GRM8: variants seen among roughly 807,000 people sequenced by gnomAD.
GRM8 encodes the protein metabotropic glutamate receptor 8.
A neutral mutation model predicts 87.2 loss-of-function variants in GRM8; 47 were observed. The observed-to-expected ratio is 0.54, with a 90% CI of 0.43 to 0.69. GRM8 has a LOEUF of 0.69. GRM8 is among the 30% of genes least tolerant of loss of function. The pLI, the probability that GRM8 is intolerant of heterozygous loss-of-function variation, is 0.00. For missense variants in GRM8, 1,019 were observed against 1,139.2 expected, an observed-to-expected ratio of 0.89 and a Z score of 1.52; for synonymous variants, 396 against 404.5, an observed-to-expected ratio of 0.98 and a Z score of 0.25.
At chr7:127,193,959 A>G (rs1432568695) in intron 2 of GRM8, among the ~76,000 whole-genome samples, 1 of 152,214 alleles carries the variant, frequency 6.6e-6, no homozygotes, top group East Asian at 1.9e-4. Context: ...TTGAAGCATG[A>G]GCAAGACACA....
chr7:127,085,248 T>C (rs1267000897), intron 3 of GRM8, among the ~76,000 whole-genome samples: 1 of 152,208 alleles, frequency 6.6e-6, no homozygotes, highest in African/African-American at 2.4e-5. Flanking sequence ...GTCTTCGCTA[T>C]TGGGAATAGT....
intron 7 of GRM8, among the ~76,000 whole-genome samples, chr7:126,691,167 C>T (rs1410780167): frequency 3.9e-5 from 6 of 152,194 alleles, no homozygotes; most frequent in Non-Finnish European, 8.8e-5. Context: ...TGCCCTTAGC[C>T]CCTTCTTGGC....
intron 3 of GRM8, among the ~76,000 whole-genome samples, chr7:126,956,418 G>T (rs898424964): frequency 1.3e-5 from 2 of 152,180 alleles, no homozygotes; most frequent in African/African-American, 4.8e-5. Flanking sequence ...ACAGCATTAT[G>T]AATAAGAATA....
intron 6 of GRM8, among the ~76,000 whole-genome samples, chr7:126,867,958 T>C (rs564233300): frequency 6.6e-6 from 1 of 152,314 alleles, no homozygotes; most frequent in South Asian, 2.1e-4. Flanking sequence ...ATACTTTCTA[T>C]CATAAAATGT....
intron 3 of GRM8, among the ~76,000 whole-genome samples, chr7:126,971,253 C>T (rs1164777517): frequency 1.4e-5 from 2 of 146,000 alleles, no homozygotes; most frequent in East Asian, 4.1e-4. Flanking sequence ...ACATCATAAA[C>T]ACACAATTTT....
At chr7:127,027,798 C>G (rs1337235662) in intron 3 of GRM8, among the ~76,000 whole-genome samples, 1 of 152,166 alleles carries the variant, frequency 6.6e-6, no homozygotes, top group African/African-American at 2.4e-5. Flanking sequence ...TTGACTTCCT[C>G]TTTTCCTAAT....
At chr7:126,826,184 T>C (rs1794774557) in intron 6 of GRM8, among the ~76,000 whole-genome samples, 1 of 152,112 alleles carries the variant, frequency 6.6e-6, no homozygotes, top group South Asian at 2.1e-4. Context: ...TAAACATACG[T>C]GTGCATGTGT....
chr7:126,817,424 C>G (rs548472994), intron 6 of GRM8, among the ~76,000 whole-genome samples: 1 of 152,088 alleles, frequency 6.6e-6, no homozygotes, highest in African/African-American at 2.4e-5. Flanking sequence ...CATGGGGCTT[C>G]ACTTAATCAA....
At chr7:127,072,105 C>A (rs905854622) in intron 3 of GRM8, among the ~76,000 whole-genome samples, 2 of 152,082 alleles carry the variant, frequency 1.3e-5, no homozygotes, top group Non-Finnish European at 2.9e-5. Context: ...GCATAGACAA[C>A]TAGCTTCCAC....
intron 2 of GRM8, among the ~76,000 whole-genome samples, chr7:127,126,499 A>G (rs1827379757): frequency 6.6e-6 from 1 of 152,066 alleles, no homozygotes; most frequent in South Asian, 2.1e-4. Context: ...GGGGTGGGTG[A>G]TGAAAAATTA....
At chr7:126,913,443 A>G (rs1803527297) in intron 3 of GRM8, among the ~76,000 whole-genome samples, 2 of 152,258 alleles carry the variant, frequency 1.3e-5, no homozygotes, top group Admixed American at 6.5e-5. Flanking sequence ...CAGTTTGACC[A>G]TAAGAAATTT....
At chr7:126,785,293 GT>G (rs1234217949) in intron 6 of GRM8, among the ~76,000 whole-genome samples, 1 of 152,072 alleles carries the variant, frequency 6.6e-6, no homozygotes, top group Non-Finnish European at 1.5e-5. Flanking sequence ...CCCTCTTTCG[GT>G]CAAGCTCTTT....
chr7:127,192,033 C>T (rs1371496368), intron 2 of GRM8, among the ~76,000 whole-genome samples: 1 of 152,040 alleles, frequency 6.6e-6, no homozygotes, highest in Non-Finnish European at 1.5e-5. Flanking sequence ...TGATGAAACA[C>T]GTTTCTCCCC....
chr7:126,757,606 A>G (rs1817153861), intron 7 of GRM8, among the ~76,000 whole-genome samples: 1 of 152,192 alleles, frequency 6.6e-6, no homozygotes, highest in Non-Finnish European at 1.5e-5. Context: ...TAGTTCTGTC[A>G]TGCAGAATCC....
At chr7:127,012,664 C>T (rs916444804) in intron 3 of GRM8, among the ~76,000 whole-genome samples, 1 of 151,904 alleles carries the variant, frequency 6.6e-6, no homozygotes, top group African/African-American at 2.4e-5. Flanking sequence ...CTTAATGGTG[C>T]CATCATATAG....
chr7:126,762,961 T>G (rs949879595), intron 7 of GRM8, among the ~76,000 whole-genome samples: 28 of 152,078 alleles, frequency 1.8e-4, no homozygotes, highest in Middle Eastern at 3.4e-3. Context: ...AATTGGACTT[T>G]CTTTGATTAT....
intron 3 of GRM8, among the ~76,000 whole-genome samples, chr7:127,030,698 C>A (rs923383096): frequency 3.3e-5 from 5 of 152,114 alleles, no homozygotes; most frequent in African/African-American, 1.2e-4. Flanking sequence ...CCATAACATG[C>A]TGAATAGTAC....
At chr7:126,620,395 T>A (rs985184524) in intron 7 of GRM8, among the ~76,000 whole-genome samples, 1 of 152,174 alleles carries the variant, frequency 6.6e-6, no homozygotes, top group Admixed American at 6.5e-5. Flanking sequence ...ATGTCACACA[T>A]CTCCTTGAAT....
chr7:126,636,157 G>T (rs1203970092), intron 7 of GRM8, among the ~76,000 whole-genome samples: 1 of 151,860 alleles, frequency 6.6e-6, no homozygotes, highest in Non-Finnish European at 1.5e-5. Context: ...TTTGGAATTG[G>T]GATTTCTGAA....
Sources: gnomAD v4.1 joint callset for allele counts (sites outside exome capture counted in the v4.1 genomes callset) on GRCh38, gnomAD v4.1.1 for gene constraint, MANE v1.5 for transcripts, NCBI Gene and HGNC (gene_info 2026-07-23, HGNC 2026-07-21) for gene names.